ARID2: variants seen among roughly 807,000 people sequenced by gnomAD.
ARID2 encodes AT-rich interactive domain-containing protein 2.
ARID2 carries 32 observed loss-of-function variants against 184.6 expected under a neutral mutation model. The observed-to-expected ratio is 0.17, with a 90% confidence interval of 0.13 to 0.23. The LOEUF (loss-of-function observed/expected upper bound fraction) is 0.23, where lower values mean the gene tolerates loss of function less well. ARID2 is among the 10% of genes least tolerant of loss of function. The probability of loss-of-function intolerance (pLI) is 1.00; values close to 1 mark genes in which losing one functional copy is unlikely to be tolerated. For synonymous variants in ARID2, 836 were observed against 772.6 expected, an observed-to-expected ratio of 1.08 and a Z score of -1.36; for missense variants, 1,696 against 2,197.6, an observed-to-expected ratio of 0.77 and a Z score of 4.56.
intron 3 of ARID2, among the ~76,000 whole-genome samples, chr12:45,777,180 G>A (rs1942000498): frequency 6.6e-6 from 1 of 151,930 alleles, no homozygotes. Context: ...AGAAGAGGTA[G>A]TATGCTGAAA....
At chr12:45,750,763 G>C (rs921085152) in intron 3 of ARID2, among the ~76,000 whole-genome samples, 5 of 152,116 alleles carry the variant, frequency 3.3e-5, no homozygotes, top group African/African-American at 1.2e-4. Context: ...TTATTTGCCA[G>C]GTACTATGCT....
Position 45,749,506 on chromosome 12 carries a change from T to G in ARID2, c.284+18192T>G, listed in dbSNP as rs116002338. On this transcript the variant is annotated intron_variant, in intron 3 of 20. Coordinates refer to ENST00000334344, the MANE Select transcript of ARID2 (RefSeq NM_152641.4). Reference sequence around the variant, plus strand: ...CTTTGACTTAAAGTCACCAGCTGCATTAGCCCCTAACAAAAGAGTCAGCTT... The same window carrying G: ...CTTTGACTTAAAGTCACCAGCTGCAGTAGCCCCTAACAAAAGAGTCAGCTT... 9.1e-4 allele frequency among the ~76,000 whole-genome samples: 138 copies of G among 152,348 alleles called. 1 individual carries two copies. The highest frequency in any genetic ancestry group is 3.2e-3 in the African/African-American group (132 of 41,586).
chr12:45,816,618 G>A (rs1280339866), intron 4 of ARID2, among the ~76,000 whole-genome samples: 1 of 152,126 alleles, frequency 6.6e-6, no homozygotes, highest in Admixed American at 6.5e-5. Flanking sequence ...ACAAAATCCT[G>A]TCTATGTTTC....
intron 16 of ARID2, chr12:45,874,124 C>CACT (rs748151671): frequency 2.0e-5 from 3 of 152,298 alleles, no homozygotes; most frequent in Non-Finnish European, 4.4e-5. Flanking sequence ...GGCTGTAGCA[C>CACT]ACTACACTGA....
At chr12:45,808,932 T>G (rs565785639) in intron 3 of ARID2, among the ~76,000 whole-genome samples, 156 of 152,264 alleles carry the variant, frequency 1.0e-3, no homozygotes, top group African/African-American at 3.3e-3. Flanking sequence ...ATCCAGCTAA[T>G]TTTTGTATTT....
At chr12:45,812,655 T>G (rs1210462413) in intron 4 of ARID2, among the ~76,000 whole-genome samples, 1 of 152,196 alleles carries the variant, frequency 6.6e-6, no homozygotes, top group Non-Finnish European at 1.5e-5. Flanking sequence ...GCTAATAGTT[T>G]ATGCTGATAA....
At chr12:45,872,776 A>G (rs1943946758) in intron 16 of ARID2, among the ~76,000 whole-genome samples, 1 of 152,046 alleles carries the variant, frequency 6.6e-6, no homozygotes, top group African/African-American at 2.4e-5. Flanking sequence ...TAAATTTGCT[A>G]AGGTGTGTTT....
At chr12:45,889,115 C>G (rs1944247415) in intron 16 of ARID2, among the ~76,000 whole-genome samples, 1 of 152,112 alleles carries the variant, frequency 6.6e-6, no homozygotes, top group South Asian at 2.1e-4. Context: ...TCAGGAGATA[C>G]AGGTTGCAGT....
chr12:45,804,027 A>G (rs982832538), intron 3 of ARID2, among the ~76,000 whole-genome samples: 1 of 152,154 alleles, frequency 6.6e-6, no homozygotes, highest in African/African-American at 2.4e-5. Context: ...GAGAGAGGAG[A>G]CAGTGTCAAT....
At chr12:45,748,101 G>A (rs1383095244) in intron 3 of ARID2, among the ~76,000 whole-genome samples, 1 of 152,162 alleles carries the variant, frequency 6.6e-6, no homozygotes, top group African/African-American at 2.4e-5. Context: ...GTGGCTCAAC[G>A]CCTGTAGGCC....
chr12:45,878,374 G>C (rs1470524486), intron 16 of ARID2, among the ~76,000 whole-genome samples: 1 of 151,946 alleles, frequency 6.6e-6, no homozygotes, highest in Non-Finnish European at 1.5e-5. Flanking sequence ...TGCAGCTTTT[G>C]TTATCACCCC....
intron 6 of ARID2, among the ~76,000 whole-genome samples, chr12:45,823,899 T>G (rs1375576909): frequency 6.6e-6 from 1 of 152,014 alleles, no homozygotes. Context: ...ATTCCAAAAA[T>G]CTGAAGGGGA....
intron 16 of ARID2, among the ~76,000 whole-genome samples, chr12:45,867,388 G>A (rs888483480): frequency 2.0e-5 from 3 of 151,988 alleles, no homozygotes; most frequent in Admixed American, 2.0e-4. Context: ...TGAGTAGCTA[G>A]GACTACAGAT....
At chr12:45,820,063 A>G (rs1375485659) in intron 5 of ARID2, among the ~76,000 whole-genome samples, 1 of 151,942 alleles carries the variant, frequency 6.6e-6, no homozygotes. Context: ...GTTTTTTATA[A>G]GGATTTTTCA....
chr12:45,747,759 A>G lies in ARID2; in HGVS notation c.284+16445A>G, dbSNP rs149427303. The stretch of plus-strand genomic sequence containing the variant: ...TTGTAGTTGTAGAATATTAATTAAC[A>G]TTGTGGTAAATGTGTCATTTTGTGC... On this transcript the variant is annotated intron_variant, in intron 3 of 20. Transcript: ENST00000334344. 7.2e-5 allele frequency among the ~76,000 whole-genome samples: 11 copies of G among 152,342 alleles called. No individual in the cohort carries two copies. The East Asian group carries it at 2.1e-3, about 29-fold the overall frequency.
intron 6 of ARID2, among the ~76,000 whole-genome samples, chr12:45,833,893 T>C (rs1411979334): frequency 6.6e-6 from 1 of 152,224 alleles, no homozygotes; most frequent in African/African-American, 2.4e-5. Context: ...TGTATGTAGA[T>C]TCATGGAGCT....
At chr12:45,733,041 G>A (rs941164245) in intron 3 of ARID2, among the ~76,000 whole-genome samples, 6 of 151,932 alleles carry the variant, frequency 3.9e-5, no homozygotes, top group Non-Finnish European at 1.5e-5. Context: ...ATCAAATTGG[G>A]CTTTTTGCTC....
intron 12 of ARID2, among the ~76,000 whole-genome samples, chr12:45,848,412 G>C (rs35117): frequency 6.6e-6 from 1 of 151,854 alleles, no homozygotes; most frequent in Admixed American, 6.6e-5. Context: ...AAGAGCCAAG[G>C]AAAGTTTAAC....
At chr12:45,857,742 TCTCTCTCTCTCTCC>T (rs1373348245) in intron 15 of ARID2, among the ~76,000 whole-genome samples, 2 of 148,152 alleles carry the variant, frequency 1.3e-5, no homozygotes, top group Non-Finnish European at 3.0e-5. Context: ...GCTAAATGCA[TCTCTCTCTCTCTCC>T]CTCTCTCTCT....
Sources: allele counts gnomAD v4.1 joint callset (sites outside exome capture counted in the v4.1 genomes callset), GRCh38; gene constraint gnomAD v4.1.1; transcripts MANE v1.5; gene names NCBI Gene and HGNC (gene_info 2026-07-23, HGNC 2026-07-21).